SOD2: variants seen among roughly 807,000 people sequenced by gnomAD.
The protein encoded by SOD2 is superoxide dismutase 2.
A neutral mutation model predicts 27.0 loss-of-function variants in SOD2; 11 were observed. The observed-to-expected ratio is 0.41, with a 90% CI of 0.26 to 0.67. The LOEUF (loss-of-function observed/expected upper bound fraction) is 0.67. SOD2 is among the 30% of genes least tolerant of loss of function. SOD2 has a pLI of 0.34. For synonymous variants in SOD2, 105 were observed against 103.0 expected (o/e 1.02, Z -0.12); for missense variants, 250 against 274.5 (o/e 0.91, Z 0.63).
At chr6:159,726,993 C>T in intron 1 of SOD2, 5 of 1,273,704 alleles carry the variant, frequency 3.9e-6, no homozygotes, top group Non-Finnish European at 5.1e-6. Flanking sequence ...GCCGCCTTCG[C>T]CCAGATCCCT....
At chr6:159,749,310 C>T (rs1779737295), upstream of SOD2, 1 of 985,582 alleles carries the variant, frequency 1.0e-6, no homozygotes, top group South Asian at 4.7e-5. Flanking sequence ...ATTCAACAGG[C>T]ACATGTTTAA....
chr6:159,729,868 C>T (rs1363495137), upstream of SOD2, among the ~76,000 whole-genome samples: 1 of 152,142 alleles, frequency 6.6e-6, no homozygotes, highest in Admixed American at 6.5e-5. Context: ...TCAGAGGGAA[C>T]TGAGTTACCT....
chr6:159,762,164 C>G, exon 1 of SOD2: 3 of 1,605,616 alleles, frequency 1.9e-6, no homozygotes, highest in Non-Finnish European at 2.6e-6. Context: ...GCGGGAGCCG[C>G]GCAGAGTCCG....
At position 159,674,695 on chromosome 6, in the gene SOD2, G is replaced by A. The variant is rs1279198091; in HGVS notation, c.*7798C>T. The A allele has an allele frequency of 6.6e-6, 1 of 152,236 alleles. No homozygotes were observed. Among genetic ancestry groups the A allele is most frequent in the Non-Finnish European group, 1.5e-5 (1 of 68,054 alleles). 9.4% of individuals were successfully genotyped at this position (152,236 alleles called of 1,614,324 possible). On this transcript the variant is annotated 3_prime_UTR_variant, in exon 5 of 5. Transcript: ENST00000538183. The stretch of plus-strand genomic sequence containing the variant: ...CCTTTGAAAACTGGCACAAGACAGG[G>A]ATGCCCTCTCTCACCACTCCTATTC...
chr6:159,726,828 G>A (rs1204020085), intron 1 of SOD2: 1 of 1,289,196 alleles, frequency 7.8e-7, no homozygotes, highest in Non-Finnish European at 1.0e-6. Context: ...GGAAGGCATC[G>A]GTTTCTAAGT....
upstream of SOD2, among the ~76,000 whole-genome samples, chr6:159,747,129 T>C (rs3798213): frequency 0.21 from 32,101 of 152,156 alleles, 3,533 homozygotes; most frequent in East Asian, 0.4. Context: ...TGTAATCCTA[T>C]TTAAGCCTTA....
chr6:159,727,198 G>A lies in SOD2; in HGVS notation c.-185C>T, dbSNP rs933416552. On this transcript the variant is annotated 5_prime_UTR_variant, in exon 1 of 3. Transcript: ENST00000401980. ...CTGGGAAAGGACGGGGAGTGTTACCGGGGAGCAGCTGCTCCATTGTGCCTC... is the reference window on the plus strand; with the variant it reads ...CTGGGAAAGGACGGGGAGTGTTACCAGGGAGCAGCTGCTCCATTGTGCCTC... 3.2e-6 allele frequency: 4 copies of A among 1,235,676 alleles called. No individual in the cohort carries two copies. The African/African-American group carries it at 4.7e-5, about 14-fold the overall frequency. The allele number at this position is 1,235,676 out of a possible 1,614,324, so 76.5% of individuals were successfully genotyped here.
chr6:159,726,963 C>A lies in SOD2; in HGVS notation c.-116+166G>T, dbSNP rs763041599. On this transcript the variant is annotated intron_variant, in intron 1 of 2. Coordinates refer to the SOD2 transcript ENST00000401980. The stretch of plus-strand genomic sequence containing the variant: ...AAGCATCACGGATGAGCGTCACGAA[C>A]ACAGAGCGGCCAATCACGCGCCGCC... The A allele has an allele frequency of 1.6e-6, 2 of 1,284,494 alleles. 1 individual carries two copies. Among genetic ancestry groups the A allele is most frequent in the South Asian group, 2.5e-5 (2 of 80,834 alleles). The allele number at this position is 1,284,494 out of a possible 1,614,324, so 79.6% of individuals were successfully genotyped here. A position where few individuals can be genotyped will look rare whatever the true frequency, so the allele number is the denominator to read the frequency against.
chr6:159,695,427 A>G (rs796187686), upstream of SOD2, among the ~76,000 whole-genome samples: 15 of 152,346 alleles, frequency 9.8e-5, no homozygotes, highest in African/African-American at 2.9e-4. Flanking sequence ...ATTACAAAAC[A>G]CTACCATGAC....
In SOD2 at chr6:159,679,913, C is replaced by T. The variant is rs988102283; in HGVS notation, c.*2580G>A. ...AAGTGCTGGGATTACAGATGTGAGT[C>T]ACCCCGCCCAGCCCTAAACAATCTT... is the stretch of plus-strand genomic sequence containing the variant. On this transcript the variant is annotated 3_prime_UTR_variant, in exon 5 of 5. Coordinates refer to ENST00000538183, the MANE Select transcript of SOD2 (RefSeq NM_000636.4). 1 of 152,168 alleles carries T rather than the reference C, an allele frequency of 6.6e-6. No individual in the cohort carries two copies. The highest frequency in any genetic ancestry group is 2.4e-5 in the African/African-American group (1 of 41,424). 9.4% of individuals were successfully genotyped at this position (152,168 alleles called of 1,614,324 possible).
In SOD2 at chr6:159,670,161, G is replaced by C. The variant is rs571736581; in HGVS notation, c.*12332C>G. 1 of 152,316 alleles carries C rather than the reference G, an allele frequency of 6.6e-6. No individual in the cohort carries two copies. The highest frequency in any genetic ancestry group is 1.9e-4 in the East Asian group (1 of 5,170). 9.4% of individuals were successfully genotyped at this position (152,316 alleles called of 1,614,324 possible). On this transcript the variant is annotated 3_prime_UTR_variant, in exon 5 of 5. Transcript: ENST00000538183. ...TAGCTGGGACTATAGGGATGTGCCA[G>C]CATGCCCAGCTAAATTTTAACTTTC...
intron 3 of SOD2, among the ~76,000 whole-genome samples, 186 bp from the exon 4 acceptor site, chr6:159,685,219 C>CTTTTTTTTTTTTTTTTTT (rs750824041): frequency 1.8e-4 from 13 of 73,914 alleles, no homozygotes; most frequent in East Asian, 3.3e-4. Flanking sequence ...ATAACTTCAA[C>CTTTTTTTTTTTTTTTTTT]TTTTTTTTTT....
intron 1 of SOD2, among the ~76,000 whole-genome samples, chr6:159,714,234 C>T (rs531270915): frequency 1.3e-5 from 2 of 152,308 alleles, no homozygotes; most frequent in East Asian, 1.9e-4. Flanking sequence ...CCTCCCTAGA[C>T]GTCGGGTTGT....
At chr6:159,702,679 A>AT (rs1491109931) in intron 1 of SOD2, among the ~76,000 whole-genome samples, 9 of 141,170 alleles carry the variant, frequency 6.4e-5, no homozygotes, top group Non-Finnish European at 1.2e-4. Flanking sequence ...AAAAAAAAAA[A>AT]GAAAGAAAGA....
At chr6:159,716,333 ACT>A (rs762747085) in intron 1 of SOD2, among the ~76,000 whole-genome samples, 14 of 152,118 alleles carry the variant, frequency 9.2e-5, no homozygotes, top group Non-Finnish European at 1.9e-4. Context: ...TCCATTCTTG[ACT>A]CTGAATTCCC....
Position 159,744,019 on chromosome 6 carries a change from A to G in SOD2, c.-116+1111T>C, listed in dbSNP as rs749723618. Among the ~76,000 whole-genome samples the G allele has an allele frequency of 1.4e-4, 21 of 152,054 alleles. 1 individual carries two copies. In the South Asian group the frequency reaches 2.3e-3, roughly 17 times the overall value. Reference sequence around the variant, plus strand: ...GTTTTAAGTTTTTTTTGAAATTTTCATGCCTTATAAGTATTAGTTCATCAA... The same window carrying G: ...GTTTTAAGTTTTTTTTGAAATTTTCGTGCCTTATAAGTATTAGTTCATCAA... On this transcript the variant is annotated intron_variant, in intron 1 of 3. Transcript: ENST00000537657.
intron 1 of SOD2, among the ~76,000 whole-genome samples, chr6:159,717,368 G>A (rs1324462252): frequency 1.3e-5 from 2 of 152,212 alleles, no homozygotes; most frequent in Non-Finnish European, 2.9e-5. Context: ...TCCCACCTCA[G>A]TATCCCAAAG....
exon 1 of SOD2, chr6:159,727,197 C>T: frequency 2.4e-6 from 3 of 1,234,322 alleles, no homozygotes; most frequent in Non-Finnish European, 2.1e-6. Flanking sequence ...GGAGTGTTAC[C>T]GGGGAGCAGC....
In SOD2 at chr6:159,680,853, T is replaced by C. The variant is rs1000891691; in HGVS notation, c.*1640A>G. On this transcript the variant is annotated 3_prime_UTR_variant, in exon 5 of 5. Coordinates refer to ENST00000538183, the MANE Select transcript of SOD2 (RefSeq NM_000636.4). ...CAGGAGGCTGAGGTGGGACAATCAC[T>C]TGAACCCGGGAAGTGGAGGTTGCAG... 6.6e-6 allele frequency: 1 copy of C among 151,676 alleles called. No homozygotes were observed. The highest frequency in any genetic ancestry group is 2.4e-5 in the African/African-American group (1 of 41,276). 9.4% of individuals were successfully genotyped at this position (151,676 alleles called of 1,614,324 possible).
Sources: gnomAD v4.1 joint callset for allele counts (sites outside exome capture counted in the v4.1 genomes callset) on GRCh38, gnomAD v4.1.1 for gene constraint, MANE v1.5 for transcripts, NCBI Gene and HGNC (gene_info 2026-07-23, HGNC 2026-07-21) for gene names.